The following COLEC12 variants were observed in gnomAD, a reference collection of about 807,000 sequenced individuals.
The protein encoded by COLEC12 is collectin subfamily member 12, also known as collectin-12.
Under a neutral mutation model 71.1 loss-of-function variants are expected in COLEC12, and 33 were observed. The ratio of observed to expected loss-of-function variants is 0.46; its 90% CI spans 0.35 to 0.62. The LOEUF (loss-of-function observed/expected upper bound fraction) is 0.62. Ranked by LOEUF, COLEC12 falls within the 20% of genes least tolerant of loss-of-function variation. COLEC12 has a pLI of 0.00. For missense variants in COLEC12, 765 were observed against 916.1 expected (o/e 0.84, Z 2.13); for synonymous variants, 350 against 353.0 (o/e 0.99, Z 0.10).
intron 5 of COLEC12, 122 bp from the exon 6 acceptor site, chr18:335,352 G>A (rs747951297): frequency 1.2e-5 from 13 of 1,044,430 alleles, no homozygotes; most frequent in Non-Finnish European, 1.8e-5. Flanking sequence ...TATACAGCAG[G>A]GAAAGACCAT....
chr18:397,879 T>C (rs763906681), intron 2 of COLEC12, among the ~76,000 whole-genome samples: 1 of 152,180 alleles, frequency 6.6e-6, no homozygotes, highest in Non-Finnish European at 1.5e-5. Context: ...GGAAAAAATG[T>C]AAAGGATTTT....
chr18:360,916 C>T (rs184266830), intron 2 of COLEC12, among the ~76,000 whole-genome samples: 8 of 152,226 alleles, frequency 5.3e-5, no homozygotes, highest in Admixed American at 1.3e-4. Context: ...GTCTCAGCAC[C>T]GTCTCTTATG....
chr18:418,105 C>T (rs775025221), intron 2 of COLEC12, among the ~76,000 whole-genome samples: 54 of 152,146 alleles, frequency 3.5e-4, no homozygotes, highest in Non-Finnish European at 6.5e-4. Flanking sequence ...CTACAGTTAG[C>T]CGTGTGACCC....
At chr18:482,185 G>A (rs1339230826) in intron 1 of COLEC12, among the ~76,000 whole-genome samples, 3 of 150,336 alleles carry the variant, frequency 2.0e-5, no homozygotes, top group Non-Finnish European at 3.0e-5. Context: ...GCGCGATCTC[G>A]GCTCACTGCA....
intron 1 of COLEC12, among the ~76,000 whole-genome samples, chr18:488,778 C>G (rs1360491382): frequency 2.0e-5 from 3 of 151,574 alleles, no homozygotes; most frequent in Admixed American, 2.0e-4. Context: ...GAGGCTGAGG[C>G]AGGAGAATTG....
At chr18:383,292 T>C (rs565044173) in intron 2 of COLEC12, among the ~76,000 whole-genome samples, 1 of 152,326 alleles carries the variant, frequency 6.6e-6, no homozygotes, top group South Asian at 2.1e-4. Flanking sequence ...GGCTTAGTAG[T>C]AGCATGAGTA....
At chr18:360,184 T>C (rs1213013134) in intron 2 of COLEC12, among the ~76,000 whole-genome samples, 1 of 151,716 alleles carries the variant, frequency 6.6e-6, no homozygotes, top group Admixed American at 6.6e-5. Context: ...ATTTCTTTTT[T>C]TTTTTTTTTC....
intron 2 of COLEC12, among the ~76,000 whole-genome samples, chr18:463,360 T>G (rs1165433694): frequency 6.6e-6 from 1 of 152,232 alleles, no homozygotes; most frequent in Non-Finnish European, 1.5e-5. Context: ...AATAAGTGCT[T>G]AGCATCTGTA....
At chr18:387,822 C>A (rs1288801038) in intron 2 of COLEC12, among the ~76,000 whole-genome samples, 5 of 152,164 alleles carry the variant, frequency 3.3e-5, no homozygotes, top group Non-Finnish European at 2.9e-5. Context: ...GCTTGTGGGG[C>A]TTATCAGAAT....
intron 2 of COLEC12, among the ~76,000 whole-genome samples, chr18:401,566 G>A (rs2143615582): frequency 6.6e-6 from 1 of 152,338 alleles, no homozygotes; most frequent in South Asian, 2.1e-4. Flanking sequence ...TGTCCTTAGT[G>A]CTCAGCGACT....
intron 2 of COLEC12, among the ~76,000 whole-genome samples, chr18:451,712 A>C (rs4798220): frequency 0.23 from 35,258 of 151,696 alleles, 4,122 homozygotes; most frequent in East Asian, 0.28. Context: ...ACGCCACTGC[A>C]CTCCAGCCTG....
intron 3 of COLEC12, 139 bp from the exon 4 acceptor site, chr18:348,302 A>C: frequency 1.8e-6 from 1 of 543,802 alleles, no homozygotes; most frequent in South Asian, 2.9e-5. Flanking sequence ...AAATATAGGA[A>C]AGAAAAGCCA....
intron 2 of COLEC12, among the ~76,000 whole-genome samples, chr18:374,749 C>T (rs1915076764): frequency 1.3e-5 from 2 of 152,122 alleles, no homozygotes. Flanking sequence ...GTTTCCTGGC[C>T]CAAGCAATAC....
At chr18:448,927 T>C (rs1328753073) in intron 2 of COLEC12, among the ~76,000 whole-genome samples, 1 of 152,168 alleles carries the variant, frequency 6.6e-6, no homozygotes, top group African/African-American at 2.4e-5. Context: ...GTACATTTGG[T>C]ATACTCACAA....
chr18:361,858 A>G (rs1272575077), intron 2 of COLEC12, among the ~76,000 whole-genome samples: 1 of 152,000 alleles, frequency 6.6e-6, no homozygotes, highest in African/African-American at 2.4e-5. Context: ...TTCCTTTTGG[A>G]TTTTTGGACC....
At chr18:387,012 T>C (rs929931068) in intron 2 of COLEC12, among the ~76,000 whole-genome samples, 12 of 152,162 alleles carry the variant, frequency 7.9e-5, no homozygotes, top group Non-Finnish European at 1.3e-4. Context: ...GGTGCCCACA[T>C]TGCTGCCCCA....
rs1414679181 is a variant in COLEC12, at chr18:318,494, T to G, written c.*1551A>C. 7.1e-6 allele frequency: 1 copy of G among 141,660 alleles called. No individual in the cohort carries two copies. The highest frequency in any genetic ancestry group is 2.6e-5 in the African/African-American group (1 of 37,838). The allele number at this position is 141,660 out of a possible 1,614,324, so 8.8% of individuals were successfully genotyped here. A position where few individuals can be genotyped will look rare whatever the true frequency, so the allele number is the denominator to read the frequency against. On this transcript the variant is annotated 3_prime_UTR_variant, in exon 10 of 10. Transcript: ENST00000400256. ...AGATGGGCTCAGAGGAAAGGTTTTT[T>G]TTTTTTTTTTTTTTTTGAGATGGAG...
At position 453,730 on chromosome 18, in the gene COLEC12, G is replaced by A. The variant is rs773112927; in HGVS notation, c.58+26977C>T. On this transcript the variant is annotated intron_variant, in intron 2 of 9. Transcript: ENST00000400256. ...CTCAGATCCAGACTCATGCAATTACGCTCCACTGAATGTATAATAAGCATC... is the reference window on the plus strand; with the variant it reads ...CTCAGATCCAGACTCATGCAATTACACTCCACTGAATGTATAATAAGCATC... Among the ~76,000 whole-genome samples, 157 of 152,078 alleles carry A rather than the reference G, an allele frequency of 1.0e-3. 1 individual carries two copies. Among genetic ancestry groups the A allele is most frequent in the Non-Finnish European group, 3.7e-4 (25 of 68,022 alleles).
intron 2 of COLEC12, among the ~76,000 whole-genome samples, chr18:360,574 G>C (rs1914723196): frequency 6.6e-6 from 1 of 152,180 alleles, no homozygotes; most frequent in African/African-American, 2.4e-5. Flanking sequence ...CCACACTCAG[G>C]AACAATGCTT....
Sources: gnomAD v4.1 joint callset for allele counts (sites outside exome capture counted in the v4.1 genomes callset) on GRCh38, gnomAD v4.1.1 for gene constraint, MANE v1.5 for transcripts, NCBI Gene and HGNC (gene_info 2026-07-23, HGNC 2026-07-21) for gene names.